NELL1: variants seen among roughly 807,000 people sequenced by gnomAD.
NELL1 encodes protein kinase C-binding protein NELL1.
NELL1 carries 76 observed loss-of-function variants against 107.4 expected under a neutral mutation model. The observed-to-expected ratio is 0.71, with a 90% CI of 0.59 to 0.86. NELL1 has a LOEUF of 0.86. NELL1 is among the 40% of genes least tolerant of loss of function. The pLI is 0.00. For missense variants in NELL1, 1,024 were observed against 1,005.5 expected (o/e 1.02, Z -0.25); for synonymous variants, 353 against 341.2 (o/e 1.03, Z -0.38).
intron 13 of NELL1, among the ~76,000 whole-genome samples, chr11:21,227,549 G>C (rs1280159814): frequency 6.6e-6 from 1 of 152,140 alleles, no homozygotes; most frequent in Admixed American, 6.5e-5. Flanking sequence ...GTATAAGTCT[G>C]AATCCTTAGA....
At chr11:21,472,507 T>C (rs186958696) in intron 15 of NELL1, among the ~76,000 whole-genome samples, 2 of 152,102 alleles carry the variant, frequency 1.3e-5, no homozygotes, top group Admixed American at 1.3e-4. Context: ...ACTGAGAGCA[T>C]GTTCTAAGAT....
At chr11:21,568,817 CCTT>C (rs1857031249) in intron 17 of NELL1, among the ~76,000 whole-genome samples, 1 of 151,350 alleles carries the variant, frequency 6.6e-6, no homozygotes, top group South Asian at 2.1e-4. Flanking sequence ...GATAACAATG[CCTT>C]CTTCTGGAAT....
intron 4 of NELL1, among the ~76,000 whole-genome samples, chr11:20,849,032 A>G (rs59252901): frequency 0.023 from 3,476 of 152,276 alleles, 123 homozygotes; most frequent in African/African-American, 0.08. Flanking sequence ...GATAAAGCCA[A>G]TGCTTAGCTG....
chr11:21,428,190 T>C (rs1363525718), intron 15 of NELL1, among the ~76,000 whole-genome samples: 1 of 152,170 alleles, frequency 6.6e-6, no homozygotes, highest in African/African-American at 2.4e-5. Context: ...AAGGGAGGGT[T>C]AATAGAGAGC....
intron 14 of NELL1, among the ~76,000 whole-genome samples, chr11:21,289,424 C>T (rs185120706): frequency 6.6e-6 from 1 of 152,162 alleles, no homozygotes; most frequent in African/African-American, 2.4e-5. Context: ...GGAACTCCCT[C>T]CCCTAGCCAA....
chr11:21,421,320 G>A (rs536125775), intron 15 of NELL1, among the ~76,000 whole-genome samples: 15 of 152,092 alleles, frequency 9.9e-5, no homozygotes, highest in Admixed American at 2.0e-4. Flanking sequence ...TCCAGGGGAA[G>A]CCTTGAACAA....
Position 21,487,335 on chromosome 11 carries a change from G to C in NELL1, c.1646-47039G>C, listed in dbSNP as rs947876076. On this transcript the variant is annotated intron_variant, in intron 15 of 19. Coordinates refer to ENST00000357134, the MANE Select transcript of NELL1 (RefSeq NM_006157.5). ...TGTGCTGAAAGAATAAACTGACAGAGAAGGATAATATATCCAGTAAAATTA... is the reference window on the plus strand; with the variant it reads ...TGTGCTGAAAGAATAAACTGACAGACAAGGATAATATATCCAGTAAAATTA... Among the ~76,000 whole-genome samples the C allele has an allele frequency of 3.9e-5, 6 of 152,142 alleles. No homozygotes were observed. In the East Asian group the frequency reaches 1.2e-3, roughly 29 times the overall value.
Position 21,560,193 on chromosome 11 carries a change from T to C in NELL1, c.1791T>C (p.Ile597=). 2 of 1,613,580 alleles carry C rather than the reference T, an allele frequency of 1.2e-6. No homozygotes were observed. The highest frequency in any genetic ancestry group is 1.7e-6 in the Non-Finnish European group (2 of 1,179,664). The change falls in exon 17 of 20, where the codon ATT becomes ATC. Residue 597 remains isoleucine (I), a synonymous_variant. Coordinates refer to ENST00000357134, the MANE Select transcript of NELL1 (RefSeq NM_006157.5). ...TCTGTGCTTCCTATATTGCAGACAT[T>C]GATGAATGTGCCTTAAGAACTCACA... ...YSLSGESCID[I]DECALRTHTC...
intron 14 of NELL1, among the ~76,000 whole-genome samples, chr11:21,340,522 G>A (rs1441843875): frequency 1.3e-5 from 2 of 151,316 alleles, no homozygotes; most frequent in African/African-American, 4.9e-5. Context: ...TATCAGAATG[G>A]GACTTTACTT....
At chr11:21,565,767 T>C (rs1303547800) in intron 17 of NELL1, among the ~76,000 whole-genome samples, 2 of 151,990 alleles carry the variant, frequency 1.3e-5, no homozygotes, top group Admixed American at 1.3e-4. Context: ...TTTGCCTCTC[T>C]GGGCTTGGTT....
chr11:21,486,600 CAG>C (rs1332817171), intron 15 of NELL1, among the ~76,000 whole-genome samples: 2 of 152,004 alleles, frequency 1.3e-5, no homozygotes, highest in African/African-American at 4.8e-5. Flanking sequence ...GAAAGAGACA[CAG>C]TAATTCTCTG....
At chr11:21,427,033 C>T (rs1459184123) in intron 15 of NELL1, among the ~76,000 whole-genome samples, 3 of 152,116 alleles carry the variant, frequency 2.0e-5, no homozygotes, top group Non-Finnish European at 4.4e-5. Flanking sequence ...TCAGTCAGTC[C>T]ACAGCCAGGC....
At chr11:21,280,169 A>C (rs1848961538) in intron 14 of NELL1, among the ~76,000 whole-genome samples, 1 of 152,212 alleles carries the variant, frequency 6.6e-6, no homozygotes, top group Non-Finnish European at 1.5e-5. Flanking sequence ...AACCTGTACA[A>C]TGTAAAATAC....
chr11:21,441,540 T>TG (rs1324411520), intron 15 of NELL1, among the ~76,000 whole-genome samples: 4 of 152,100 alleles, frequency 2.6e-5, no homozygotes, highest in Non-Finnish European at 5.9e-5. Flanking sequence ...TTAAAGGCTG[T>TG]ATGATATTGT....
intron 12 of NELL1, among the ~76,000 whole-genome samples, chr11:21,017,838 A>T (rs1184151363): frequency 6.6e-6 from 1 of 152,048 alleles, no homozygotes; most frequent in Non-Finnish European, 1.5e-5. Context: ...TATCATCCTT[A>T]TCTATGAGGG....
intron 14 of NELL1, among the ~76,000 whole-genome samples, chr11:21,314,715 G>T (rs929044804): frequency 6.6e-6 from 1 of 152,158 alleles, no homozygotes; most frequent in East Asian, 1.9e-4. Flanking sequence ...CAGGTACTTT[G>T]TATATATAAA....
intron 4 of NELL1, among the ~76,000 whole-genome samples, chr11:20,870,262 C>G (rs111862056): frequency 2.0e-5 from 3 of 152,188 alleles, no homozygotes; most frequent in African/African-American, 7.2e-5. Flanking sequence ...GTCTCTAACT[C>G]TTGGGTTTAT....
At chr11:21,295,549 G>C (rs1400456610) in intron 14 of NELL1, among the ~76,000 whole-genome samples, 3 of 152,048 alleles carry the variant, frequency 2.0e-5, no homozygotes, top group African/African-American at 7.2e-5. Flanking sequence ...TTGCAAGTAA[G>C]AAGAGGATTT....
At chr11:21,345,156 A>G (rs1850657023) in intron 14 of NELL1, among the ~76,000 whole-genome samples, 1 of 152,190 alleles carries the variant, frequency 6.6e-6, no homozygotes, top group Non-Finnish European at 1.5e-5. Context: ...AAAAATTCCA[A>G]TTAGTCACTT....
Sources: gnomAD v4.1 joint callset for allele counts (sites outside exome capture counted in the v4.1 genomes callset) on GRCh38, gnomAD v4.1.1 for gene constraint, MANE v1.5 for transcripts, NCBI Gene and HGNC (gene_info 2026-07-23, HGNC 2026-07-21) for gene names.